The following LCLAT1 variants were observed in gnomAD, a reference collection of about 807,000 sequenced individuals.
LCLAT1 encodes the protein lysocardiolipin acyltransferase 1.
In LCLAT1, 11 loss-of-function variants were observed where a neutral mutation model predicts 30.7. The observed-to-expected ratio is 0.36, with a 90% CI of 0.23 to 0.59. LCLAT1 has a LOEUF of 0.59. LCLAT1 is among the 20% of genes least tolerant of loss of function. LCLAT1 has a pLI of 0.77. For synonymous variants in LCLAT1, 155 were observed against 151.3 expected (o/e 1.02, Z -0.18); for missense variants, 402 against 458.6 (o/e 0.88, Z 1.13).
chr2:30,642,775 T>C lies in LCLAT1; in HGVS notation c.*2156T>C. The C allele has an allele frequency of 7.1e-6, 1 of 141,736 alleles. No individual in the cohort carries two copies. The highest frequency in any genetic ancestry group is 1.5e-5 in the Non-Finnish European group (1 of 65,604). 8.8% of individuals were successfully genotyped at this position (141,736 alleles called of 1,614,324 possible). A position where few individuals can be genotyped will look rare whatever the true frequency, so the allele number is the denominator to read the frequency against. Reference sequence around the variant, plus strand: ...AATACAAACTTTACCTACCCCAAATTCATAAAGTACATTTAGTGCTGTATA... The same window carrying C: ...AATACAAACTTTACCTACCCCAAATCCATAAAGTACATTTAGTGCTGTATA... On this transcript the variant is annotated 3_prime_UTR_variant, in exon 6 of 6. Coordinates refer to ENST00000379509, the MANE Select transcript of LCLAT1 (RefSeq NM_001002257.3).
intron 5 of LCLAT1, among the ~76,000 whole-genome samples, chr2:30,637,496 G>T (rs928564295): frequency 2.6e-5 from 4 of 152,130 alleles, no homozygotes; most frequent in Non-Finnish European, 4.4e-5. Flanking sequence ...AGTGGTCAGC[G>T]CCAGCCCTTT....
intron 1 of LCLAT1, among the ~76,000 whole-genome samples, chr2:30,470,375 G>C (rs147357052): frequency 3.2e-4 from 48 of 152,340 alleles, no homozygotes; most frequent in African/African-American, 1.1e-3. Context: ...AGTCTTAGCA[G>C]AATTCAGGCT....
At chr2:30,538,724 CA>C (rs142396913) in intron 3 of LCLAT1, among the ~76,000 whole-genome samples, 19,346 of 151,882 alleles carry the variant, frequency 0.13, 1,360 homozygotes, top group South Asian at 0.23. Context: ...CACAGAAATA[CA>C]AAAGATCATT....
rs1254244545 is a variant in LCLAT1 at position 30,481,890 on chromosome 2, AGGAAC to A, written c.-5+34508_-5+34512del. Among the ~76,000 whole-genome samples the A allele has an allele frequency of 3.3e-5, 5 of 152,344 alleles. No individual in the cohort carries two copies. The East Asian group carries it at 9.6e-4, about 29-fold the overall frequency. On this transcript the variant is annotated intron_variant, in intron 1 of 5. Coordinates refer to ENST00000379509, the MANE Select transcript of LCLAT1 (RefSeq NM_001002257.3). ...GTTTGCATTATCCATAAATGGCTGT[AGGAAC>A]TTAGTATTGGCCTTTGACTTCCAAT...
chr2:30,477,874 A>G (rs1393124379), intron 1 of LCLAT1, among the ~76,000 whole-genome samples: 1 of 152,138 alleles, frequency 6.6e-6, no homozygotes, highest in African/African-American at 2.4e-5. Flanking sequence ...GTAAAAACAG[A>G]ACAACTTTTT....
chr2:30,642,883 C>T lies in LCLAT1; in HGVS notation c.*2264C>T, dbSNP rs1260627690. 2.9e-5 allele frequency: 1 copy of T among 34,146 alleles called. No homozygotes were observed. Among genetic ancestry groups the T allele is most frequent in the African/African-American group, 2.0e-4 (1 of 4,910 alleles). 2.1% of individuals were successfully genotyped at this position (34,146 alleles called of 1,614,324 possible). Reference sequence around the variant, plus strand: ...ACTCCAAAAATAATTGTCCTTTTTTCTTTCTTTCTTTTTTTACAATAAGGC... The same window carrying T: ...ACTCCAAAAATAATTGTCCTTTTTTTTTTCTTTCTTTTTTTACAATAAGGC... On this transcript the variant is annotated 3_prime_UTR_variant, in exon 6 of 6. Coordinates refer to ENST00000379509, the MANE Select transcript of LCLAT1 (RefSeq NM_001002257.3).
chr2:30,602,096 A>C (rs565340393), intron 5 of LCLAT1, among the ~76,000 whole-genome samples: 1 of 152,200 alleles, frequency 6.6e-6, no homozygotes, highest in South Asian at 2.1e-4. Context: ...TCTCAATAGG[A>C]TTTCAGGTGG....
chr2:30,537,542 A>ACACACGCACG (rs1476893623), intron 3 of LCLAT1, among the ~76,000 whole-genome samples: 1 of 151,800 alleles, frequency 6.6e-6, no homozygotes, highest in African/African-American at 2.4e-5. Flanking sequence ...ACACACACAC[A>ACACACGCACG]CACGCACGCA....
chr2:30,537,834 A>G (rs1663867328), intron 3 of LCLAT1, among the ~76,000 whole-genome samples: 1 of 152,228 alleles, frequency 6.6e-6, no homozygotes, highest in South Asian at 2.1e-4. Context: ...GTTAGGCCAC[A>G]AAACAAGTCT....
chr2:30,577,082 TTA>T (rs1453564583), intron 5 of LCLAT1, among the ~76,000 whole-genome samples: 7 of 149,902 alleles, frequency 4.7e-5, no homozygotes, highest in Admixed American at 6.7e-5. Flanking sequence ...GATTATATTT[TTA>T]TATGTTATAT....
chr2:30,627,582 C>G (rs1240088958), intron 5 of LCLAT1, among the ~76,000 whole-genome samples: 5 of 152,164 alleles, frequency 3.3e-5, no homozygotes, highest in Non-Finnish European at 2.9e-5. Context: ...AATAGCTATT[C>G]AGTTCCTTTA....
intron 5 of LCLAT1, among the ~76,000 whole-genome samples, chr2:30,620,775 T>TA (rs1193654922): frequency 2.0e-5 from 3 of 152,130 alleles, no homozygotes; most frequent in African/African-American, 4.8e-5. Flanking sequence ...CTTAAAACAA[T>TA]AAAAAATTCG....
intron 1 of LCLAT1, among the ~76,000 whole-genome samples, chr2:30,454,807 G>A (rs1183888222): frequency 2.0e-5 from 3 of 152,164 alleles, no homozygotes; most frequent in Admixed American, 6.6e-5. Flanking sequence ...TAAATTAAAG[G>A]AAGAATTATG....
chr2:30,538,200 A>G (rs1330293480), intron 3 of LCLAT1, among the ~76,000 whole-genome samples: 52 of 152,332 alleles, frequency 3.4e-4, no homozygotes, highest in Admixed American at 3.1e-3. Flanking sequence ...ACTGAAAATT[A>G]GCAAAAGGAA....
intron 5 of LCLAT1, among the ~76,000 whole-genome samples, chr2:30,597,241 C>T (rs1012313048): frequency 7.9e-5 from 12 of 151,520 alleles, no homozygotes; most frequent in Admixed American, 3.3e-4. Context: ...GGCAGTATGG[C>T]CAATTTCACG....
intron 3 of LCLAT1, among the ~76,000 whole-genome samples, chr2:30,553,672 G>A (rs1420428867): frequency 6.6e-5 from 10 of 151,872 alleles, no homozygotes; most frequent in South Asian, 2.1e-4. Flanking sequence ...AAAATTAGCC[G>A]GGCGCGGTGG....
chr2:30,490,265 C>T (rs1459305144), intron 1 of LCLAT1, among the ~76,000 whole-genome samples: 1 of 148,188 alleles, frequency 6.7e-6, no homozygotes, highest in African/African-American at 2.5e-5. Context: ...TGCAGTGGCA[C>T]AATCTCAGCT....
rs902197923 is a variant in LCLAT1, at chr2:30,595,803, C to T, written c.628+27627C>T. ...TGATGCTTTCCCCCACTCCCACCCA[C>T]GGCAGGCCCCAGTGTGTGTTCTGTG... On this transcript the variant is annotated intron_variant, in intron 5 of 5. Coordinates refer to ENST00000379509, the MANE Select transcript of LCLAT1 (RefSeq NM_001002257.3). Among the ~76,000 whole-genome samples, 11 of 152,238 alleles carry T rather than the reference C, an allele frequency of 7.2e-5. 1 individual carries two copies. Among genetic ancestry groups the T allele is most frequent in the Admixed American group, 5.9e-4 (9 of 15,286 alleles).
chr2:30,606,334 A>G (rs1382792244), intron 5 of LCLAT1: 3 of 280,110 alleles, frequency 1.1e-5, no homozygotes, highest in Non-Finnish European at 2.1e-5. Context: ...CTGACTTCAA[A>G]CTATACTACA....
Sources: allele counts gnomAD v4.1 joint callset (sites outside exome capture counted in the v4.1 genomes callset), GRCh38; gene constraint gnomAD v4.1.1; transcripts MANE v1.5; gene names NCBI Gene and HGNC (gene_info 2026-07-23, HGNC 2026-07-21).